Variants in FIG4 observed in about 807,000 individuals in gnomAD.
The protein encoded by FIG4 is polyphosphoinositide phosphatase.
In FIG4, 112 loss-of-function variants were observed where a neutral mutation model predicts 118.6. The ratio of observed to expected loss-of-function variants is 0.94; its 90% CI spans 0.81 to 1.11. The LOEUF is 1.11. Ranked by LOEUF, FIG4 falls within the 50% of genes least tolerant of loss-of-function variation. The pLI, the probability that FIG4 is intolerant of heterozygous loss-of-function variation, is 0.00. For synonymous variants in FIG4, 369 were observed against 381.2 expected, an observed-to-expected ratio of 0.97 and a Z score of 0.37; for missense variants, 969 against 1,111.7, an observed-to-expected ratio of 0.87 and a Z score of 1.83.
chr6:109,789,809 T>G (rs1379846682), intron 19 of FIG4, 132 bp downstream of exon 19: 4 of 696,600 alleles, frequency 5.7e-6, no homozygotes, highest in African/African-American at 3.6e-5. Context: ...CACTAAGGTG[T>G]TCAATACTGA....
At chr6:109,747,142 T>C (rs1776525970) in intron 10 of FIG4, among the ~76,000 whole-genome samples, 1 of 152,090 alleles carries the variant, frequency 6.6e-6, no homozygotes. Flanking sequence ...TTGAGTCCTC[T>C]AAACGGAGGT....
At chr6:109,801,668 G>A (rs775741258) in intron 22 of FIG4, among the ~76,000 whole-genome samples, 3 of 152,130 alleles carry the variant, frequency 2.0e-5, no homozygotes, top group Admixed American at 1.3e-4. Flanking sequence ...CCTCGGTGTG[G>A]GCTTCTACCA....
rs1350046262 is a variant in FIG4 at position 109,715,128 on chromosome 6, G to C, written c.117G>C (p.Leu39Phe). Residue 39 changes from leucine (L) to phenylalanine (F), a missense_variant, in exon 2 of 23, where the codon TTG becomes TTC. By Grantham distance (22) the Leu-to-Phe change is conservative. Transcript: ENST00000230124. ...SNNAETKYRV[L>F]KIDRTEPKDL... ...ATGCAGAAACGAAATATCGTGTCTT[G>C]AAGATTGATAGAACAGAACCAAAAG... 1 of 1,608,156 alleles carries C rather than the reference G, an allele frequency of 6.2e-7. No individual in the cohort carries two copies. The highest frequency in any genetic ancestry group is 2.2e-5 in the East Asian group (1 of 44,744).
chr6:109,774,156 C>G (rs1211924477), intron 15 of FIG4, among the ~76,000 whole-genome samples: 2 of 152,164 alleles, frequency 1.3e-5, no homozygotes, highest in Non-Finnish European at 2.9e-5. Flanking sequence ...ATACAAAGTA[C>G]AGAATGGCTC....
chr6:109,698,578 T>G (rs1207587578), intron 1 of FIG4, among the ~76,000 whole-genome samples: 1 of 152,258 alleles, frequency 6.6e-6, no homozygotes, highest in Non-Finnish European at 1.5e-5. Flanking sequence ...TTGTCTTGTT[T>G]TTTATCTTAG....
chr6:109,792,982 C>T (rs746929599), intron 21 of FIG4, among the ~76,000 whole-genome samples: 5 of 152,014 alleles, frequency 3.3e-5, no homozygotes, highest in African/African-American at 4.8e-5. Flanking sequence ...TGAGCCACTG[C>T]GTCCAGCCTA....
At chr6:109,775,828 A>G (rs970343918) in intron 15 of FIG4, among the ~76,000 whole-genome samples, 1 of 152,194 alleles carries the variant, frequency 6.6e-6, no homozygotes, top group African/African-American at 2.4e-5. Flanking sequence ...GATGTACCGT[A>G]TTTCGTATTT....
At position 109,825,255 on chromosome 6, in the gene FIG4, G is replaced by T; in HGVS notation, c.2714G>T (p.Arg905Leu). The T allele has an allele frequency of 6.2e-7, 1 of 1,613,950 alleles. No homozygotes were observed. The highest frequency in any genetic ancestry group is 8.5e-7 in the Non-Finnish European group (1 of 1,179,920). ...SSMYREYIRNRYL is the reference protein window; with the variant it reads ...SSMYREYIRNLYL ...ATGTACCGAGAGTACATCAGGAACC[G>T]CTACCTGTGAAAAGAGCGCAGGTCC... The change falls in exon 23 of 23, where the codon CGC becomes CTC. Residue 905 changes from arginine (R) to leucine (L), a missense_variant. Around this residue, in one of 3 missense-constraint regions of FIG4, gnomAD observed 330 missense variants for 348.1 expected, o/e 0.95. Transcript: ENST00000230124.
intron 22 of FIG4, among the ~76,000 whole-genome samples, chr6:109,800,669 C>G (rs997980777): frequency 1.7e-4 from 26 of 152,170 alleles, no homozygotes; most frequent in Admixed American, 1.4e-3. Context: ...CCATGACCAT[C>G]AGGGCCTGGT....
Position 109,727,341 on chromosome 6 carries a change from T to C in FIG4, c.446+76T>C, listed in dbSNP as rs1775854170. The stretch of plus-strand genomic sequence containing the variant: ...TGTTGCCCAGGCTGGAAGGCTGGAA[T>C]ATAATGGCATGGTCATAGCTTGCTG... On this transcript the variant is annotated intron_variant, in intron 4 of 22. Coordinates refer to ENST00000230124, the MANE Select transcript of FIG4 (RefSeq NM_014845.6). The C allele has an allele frequency of 2.5e-6, 3 of 1,186,978 alleles. No homozygotes were observed. In the Admixed American group the frequency reaches 5.1e-5, roughly 20 times the overall value. The allele number at this position is 1,186,978 out of a possible 1,614,324, so 73.5% of individuals were successfully genotyped here. A position where few individuals can be genotyped will look rare whatever the true frequency, so the allele number is the denominator to read the frequency against.
intron 22 of FIG4, among the ~76,000 whole-genome samples, chr6:109,804,323 G>A (rs140744362): frequency 6.6e-5 from 10 of 152,242 alleles, no homozygotes; most frequent in Admixed American, 3.9e-4. Context: ...GGGGCAGATG[G>A]AGTGATTATT....
At chr6:109,724,288 A>G (rs978748309) in intron 3 of FIG4, among the ~76,000 whole-genome samples, 1 of 152,170 alleles carries the variant, frequency 6.6e-6, no homozygotes, top group Non-Finnish European at 1.5e-5. Flanking sequence ...CTGGGATTCC[A>G]TTAACTAATA....
chr6:109,741,025 G>A (rs1032098149), intron 7 of FIG4, among the ~76,000 whole-genome samples: 5 of 152,082 alleles, frequency 3.3e-5, no homozygotes, highest in African/African-American at 9.7e-5. Flanking sequence ...GGGGACGTCC[G>A]CCTCCATGAT....
rs1005287343 is a variant in FIG4, at chr6:109,735,136, A to G, written c.498-14A>G. The G allele has an allele frequency of 2.5e-6, 4 of 1,609,470 alleles. 1 individual carries two copies. The highest frequency in any genetic ancestry group is 3.3e-5 in the Admixed American group (2 of 59,934). ...GCTTTTGTAATTCTTATTAAGTTTC[A>G]ATTCTGTTCTCAGTTACAGCTATGA... On this transcript the variant is annotated splice_polypyrimidine_tract_variant and intron_variant, in intron 5 of 22. Transcript: ENST00000230124.
intron 10 of FIG4, among the ~76,000 whole-genome samples, chr6:109,745,002 T>C (rs1419418800): frequency 6.6e-6 from 1 of 152,186 alleles, no homozygotes; most frequent in Admixed American, 6.5e-5. Context: ...TAGTATTCCA[T>C]GGTGTATATG....
At chr6:109,706,516 A>G (rs1401609858) in intron 1 of FIG4, among the ~76,000 whole-genome samples, 1 of 152,036 alleles carries the variant, frequency 6.6e-6, no homozygotes, top group Non-Finnish European at 1.5e-5. Context: ...AGATTGGCGC[A>G]TTTTCCCATT....
intron 1 of FIG4, among the ~76,000 whole-genome samples, chr6:109,704,054 G>C (rs1231692096): frequency 6.6e-6 from 1 of 152,068 alleles, no homozygotes; most frequent in South Asian, 2.1e-4. Context: ...TTTACCCACT[G>C]AGTTCTCACT....
chr6:109,735,365 C>A, intron 6 of FIG4, 67 bp downstream of exon 6: 1 of 1,428,874 alleles, frequency 7.0e-7, no homozygotes, highest in Non-Finnish European at 9.9e-7. Context: ...TTATTAAATT[C>A]ACTCACATTT....
intron 22 of FIG4, among the ~76,000 whole-genome samples, chr6:109,807,926 TC>T (rs1778612729): frequency 6.6e-6 from 1 of 152,180 alleles, no homozygotes; most frequent in Admixed American, 6.5e-5. Context: ...TGATGTTTTT[TC>T]TGAGGCCTCT....
Sources: allele counts gnomAD v4.1 joint callset (sites outside exome capture counted in the v4.1 genomes callset), GRCh38; gene constraint gnomAD v4.1.1; regional missense constraint gnomAD v4.1.1; transcripts MANE v1.5; gene names NCBI Gene and HGNC (gene_info 2026-07-23, HGNC 2026-07-21).